TGS1: variants seen among roughly 807,000 people sequenced by gnomAD.
TGS1 encodes the protein trimethylguanosine synthase.
A neutral mutation model predicts 92.2 loss-of-function variants in TGS1; 69 were observed. The observed-to-expected ratio is 0.75, with a 90% CI of 0.62 to 0.91. TGS1 has a LOEUF of 0.91. Among genes scored for constraint, TGS1 ranks in the 40% least tolerant of loss-of-function variants. The pLI is 0.00. For synonymous variants in TGS1, 345 were observed against 338.1 expected (o/e 1.02, Z -0.22); for missense variants, 1,062 against 1,001.2 (o/e 1.06, Z -0.82).
Position 55,779,947 on chromosome 8 carries a change from T to A in TGS1, c.102-2801T>A, listed in dbSNP as rs573846490. On this transcript the variant is annotated intron_variant, in intron 1 of 12. Transcript: ENST00000260129. ...TGGAGTGCAGTGGCAACCTCCACCC[T>A]CTGGGTTCAAGCAGTTCTCATGCCT... Among the ~76,000 whole-genome samples, 7 of 151,246 alleles carry A rather than the reference T, an allele frequency of 4.6e-5. No individual in the cohort carries two copies. In the South Asian group the frequency reaches 1.5e-3, roughly 32 times the overall value.
At chr8:55,777,311 A>G (rs1811429642) in intron 1 of TGS1, among the ~76,000 whole-genome samples, 1 of 148,754 alleles carries the variant, frequency 6.7e-6, no homozygotes, top group Non-Finnish European at 1.5e-5. Context: ...TTTTAGCCAG[A>G]ATCCTGCTAA....
intron 9 of TGS1, among the ~76,000 whole-genome samples, chr8:55,804,582 G>A (rs1242714936): frequency 6.6e-6 from 1 of 152,118 alleles, no homozygotes. Flanking sequence ...TTTTCCACAG[G>A]AGTCAGTAGT....
chr8:55,782,657 TATTA>T (rs796213942), intron 1 of TGS1, 87 bp from the exon 2 acceptor site: 11 of 959,300 alleles, frequency 1.1e-5, no homozygotes, highest in African/African-American at 1.0e-4. Context: ...ATAAGCTTTT[TATTA>T]ATTAATCTAT....
At chr8:55,782,659 T>C in intron 1 of TGS1, 89 bp from the exon 2 acceptor site, 2 of 969,558 alleles carry the variant, frequency 2.1e-6, no homozygotes, top group South Asian at 1.8e-5. Context: ...AAGCTTTTTA[T>C]TAATTAATCT....
chr8:55,793,928 A>G (rs10110392), intron 6 of TGS1, among the ~76,000 whole-genome samples: 19,179 of 151,256 alleles, frequency 0.13, 1,247 homozygotes, highest in South Asian at 0.16. Context: ...ACGTACACAC[A>G]TTTTGCTTCT....
chr8:55,802,521 A>T lies in TGS1; in HGVS notation c.1914A>T (p.Ile638=), dbSNP rs765171521. The change falls in exon 9 of 13, where the codon ATA becomes ATT. Residue 638 remains isoleucine (I), a synonymous_variant. Transcript: ENST00000260129. The part of the protein sequence containing the change: ...NKKVNGLPPE[I]AAVPELAKYW... ...AGGTGAATGGTCTGCCTCCTGAAAT[A>T]GCTGCTGTTCCTGAGCTGGCAAAAT... 2 of 1,614,128 alleles carry T rather than the reference A, an allele frequency of 1.2e-6. No homozygotes were observed. Among genetic ancestry groups the T allele is most frequent in the African/African-American group, 2.7e-5 (2 of 75,060 alleles).
chr8:55,808,511 CTTT>C (rs59912731), intron 10 of TGS1, among the ~76,000 whole-genome samples: 18 of 117,904 alleles, frequency 1.5e-4, no homozygotes, highest in Non-Finnish European at 1.8e-4. Flanking sequence ...TTCTTTTTTT[CTTT>C]TTTTTTTTTT....
intron 9 of TGS1, among the ~76,000 whole-genome samples, chr8:55,803,795 A>G (rs1409764611): frequency 6.6e-6 from 1 of 151,660 alleles, no homozygotes; most frequent in East Asian, 1.9e-4. Context: ...AGGCTAAAGC[A>G]ATCCTTATGC....
In TGS1 at chr8:55,790,258, GGAA is replaced by G. The variant is rs1563455555; in HGVS notation, c.1242_1244del (p.Glu414del). ...GTGGTACTGATGGAGATGAAAGTGA[GGAA>G]GACCCACCTGAGCATAAGCCAAGCA... is the stretch of plus-strand genomic sequence containing the variant. On this transcript the variant is annotated inframe_deletion, in exon 5 of 13. Coordinates refer to ENST00000260129, the MANE Select transcript of TGS1 (RefSeq NM_024831.8). 1 of 1,614,026 alleles carries G rather than the reference GGAA, an allele frequency of 6.2e-7. No homozygotes were observed.
At chr8:55,812,149 A>G (rs954566705) in intron 11 of TGS1, among the ~76,000 whole-genome samples, 1 of 152,006 alleles carries the variant, frequency 6.6e-6, no homozygotes, top group Admixed American at 6.6e-5. Flanking sequence ...AACGTTTGTT[A>G]TTTGTCACTT....
rs116616005 is a variant in TGS1 at position 55,800,510 on chromosome 8, A to G, written c.1849+1290A>G. The stretch of plus-strand genomic sequence containing the variant: ...CACTATCCCACTTCCATAAACACCA[A>G]TTCTCATGATGCTGGTTATTTTTAC... On this transcript the variant is annotated intron_variant, in intron 8 of 12. Coordinates refer to ENST00000260129, the MANE Select transcript of TGS1 (RefSeq NM_024831.8). Among the ~76,000 whole-genome samples the G allele has an allele frequency of 6.7e-3, 1,023 of 152,316 alleles. 7 individuals carry two copies. Among genetic ancestry groups the G allele is most frequent in the African/African-American group, 0.02 (850 of 41,560 alleles).
intron 4 of TGS1, 161 bp from the exon 5 acceptor site, chr8:55,790,019 ACT>A (rs1334346336): frequency 3.4e-6 from 2 of 594,486 alleles, no homozygotes; most frequent in Non-Finnish European, 6.0e-6. Context: ...AAATGCTCAG[ACT>A]CTGCATGTAG....
chr8:55,792,824 A>G, intron 6 of TGS1, 40 bp downstream of exon 6: 1 of 1,356,288 alleles, frequency 7.4e-7, no homozygotes, highest in Non-Finnish European at 1.1e-6. Context: ...AGAAGTCCTA[A>G]CCACTTCAAC....
At chr8:55,777,869 T>C (rs1811443861) in intron 1 of TGS1, among the ~76,000 whole-genome samples, 1 of 151,090 alleles carries the variant, frequency 6.6e-6, no homozygotes, top group Non-Finnish European at 1.5e-5. Flanking sequence ...AAAGCCTTTC[T>C]TTACCATTTT....
At chr8:55,781,892 A>T (rs182708952) in intron 1 of TGS1, among the ~76,000 whole-genome samples, 1 of 152,350 alleles carries the variant, frequency 6.6e-6, no homozygotes, top group Admixed American at 6.5e-5. Flanking sequence ...AGTCAGGAAG[A>T]TATTAAAAGC....
At chr8:55,797,263 G>A (rs1392656668) in intron 7 of TGS1, among the ~76,000 whole-genome samples, 1 of 152,098 alleles carries the variant, frequency 6.6e-6, no homozygotes, top group Non-Finnish European at 1.5e-5. Flanking sequence ...CCAGCAAAGG[G>A]GGAAGCACCT....
chr8:55,809,902 T>C (rs1803294211), intron 10 of TGS1, among the ~76,000 whole-genome samples: 2 of 152,258 alleles, frequency 1.3e-5, no homozygotes, highest in South Asian at 4.1e-4. Flanking sequence ...TCTTTCCATC[T>C]GTCTCTGAAC....
intron 1 of TGS1, among the ~76,000 whole-genome samples, chr8:55,775,375 T>C (rs1402178927): frequency 6.6e-6 from 1 of 152,198 alleles, no homozygotes; most frequent in Non-Finnish European, 1.5e-5. Context: ...GGGAATGACA[T>C]GATCAGATTT....
intron 2 of TGS1, among the ~76,000 whole-genome samples, chr8:55,785,113 G>A (rs1191214343): frequency 6.7e-6 from 1 of 149,582 alleles, no homozygotes; most frequent in African/African-American, 2.5e-5. Context: ...CACCCAGGCT[G>A]GGGTGCAGTG....
Sources: allele counts gnomAD v4.1 joint callset (sites outside exome capture counted in the v4.1 genomes callset), GRCh38; gene constraint gnomAD v4.1.1; transcripts MANE v1.5; gene names NCBI Gene and HGNC (gene_info 2026-07-23, HGNC 2026-07-21).